ACSS3: variants seen among roughly 807,000 people sequenced by gnomAD.
ACSS3 encodes acyl-CoA synthetase short-chain family member 3, mitochondrial.
ACSS3 carries 64 observed loss-of-function variants against 84.2 expected under a neutral mutation model. The observed-to-expected ratio is 0.76, with a 90% CI of 0.62 to 0.94. The LOEUF (loss-of-function observed/expected upper bound fraction) is 0.94. Ranked by LOEUF, ACSS3 falls within the 40% of genes least tolerant of loss-of-function variation. The pLI is 0.00. For missense variants in ACSS3, 815 were observed against 867.6 expected (o/e 0.94, Z 0.76); for synonymous variants, 317 against 310.1 (o/e 1.02, Z -0.23).
At chr12:81,093,261 C>T (rs1881790150) in intron 1 of ACSS3, among the ~76,000 whole-genome samples, 1 of 151,860 alleles carries the variant, frequency 6.6e-6, no homozygotes, top group Admixed American at 6.6e-5. Flanking sequence ...ACCATACTGA[C>T]CAACATGGTG....
At chr12:81,078,525 C>T (rs1208678450) in intron 1 of ACSS3, 94 bp downstream of exon 1, 4 of 1,400,702 alleles carry the variant, frequency 2.9e-6, no homozygotes, top group Admixed American at 2.2e-5. Flanking sequence ...CATTCTATCA[C>T]GAAAGAAAAT....
chr12:81,167,932 G>A (rs1467624093), intron 7 of ACSS3, among the ~76,000 whole-genome samples: 2 of 152,212 alleles, frequency 1.3e-5, no homozygotes, highest in Admixed American at 6.5e-5. Flanking sequence ...TTGCAACTAT[G>A]TGGGACCTAC....
chr12:81,229,645 A>T (rs1017850833), intron 11 of ACSS3, among the ~76,000 whole-genome samples: 5 of 151,932 alleles, frequency 3.3e-5, no homozygotes, highest in African/African-American at 1.2e-4. Context: ...AGCAAACAGT[A>T]ATAATCACAA....
intron 5 of ACSS3, among the ~76,000 whole-genome samples, chr12:81,147,866 T>TACACACAC (rs149709961): frequency 9.4e-5 from 14 of 149,018 alleles, no homozygotes; most frequent in African/African-American, 3.2e-4. Flanking sequence ...GCTGAATTGA[T>TACACACAC]ACACACACAC....
At chr12:81,170,257 A>G (rs192572433) in intron 7 of ACSS3, among the ~76,000 whole-genome samples, 1 of 152,256 alleles carries the variant, frequency 6.6e-6, no homozygotes, top group East Asian at 1.9e-4. Context: ...GAAGACAGTA[A>G]CTGGTTTTCT....
intron 13 of ACSS3, among the ~76,000 whole-genome samples, chr12:81,247,557 C>T (rs1048474507): frequency 6.6e-6 from 1 of 152,062 alleles, no homozygotes; most frequent in African/African-American, 2.4e-5. Context: ...GGAAACCATT[C>T]AGACCTTAAA....
At chr12:81,191,102 A>T (rs1232417284) in intron 8 of ACSS3, among the ~76,000 whole-genome samples, 4 of 152,040 alleles carry the variant, frequency 2.6e-5, no homozygotes, top group Non-Finnish European at 5.9e-5. Context: ...TTATGTTTTC[A>T]TACATGCACA....
intron 8 of ACSS3, 104 bp downstream of exon 8, chr12:81,175,043 C>A: frequency 1.6e-6 from 2 of 1,249,986 alleles, no homozygotes; most frequent in South Asian, 2.3e-5. Flanking sequence ...ATAGGAAGAG[C>A]CAAAAGATTC....
chr12:81,165,197 C>G (rs78937948), intron 7 of ACSS3, among the ~76,000 whole-genome samples: 10,645 of 152,138 alleles, frequency 0.07, 493 homozygotes, highest in African/African-American at 0.13. Context: ...TTGGAGCTAG[C>G]AAGCTCAGTT....
intron 2 of ACSS3, among the ~76,000 whole-genome samples, chr12:81,110,117 A>G (rs1325454077): frequency 6.6e-6 from 1 of 152,200 alleles, no homozygotes; most frequent in African/African-American, 2.4e-5. Context: ...AAGAAACAAC[A>G]TATTTCTCTA....
chr12:81,148,897 TAAAA>T (rs397851051), intron 5 of ACSS3, among the ~76,000 whole-genome samples: 2 of 81,834 alleles, frequency 2.4e-5, no homozygotes, highest in African/African-American at 5.1e-5. Context: ...CTGCCTCTAC[TAAAA>T]AAAAAAAAAA....
At chr12:81,175,004 TA>T in intron 8 of ACSS3, 65 bp downstream of exon 8, 7 of 1,550,172 alleles carry the variant, frequency 4.5e-6, no homozygotes, top group African/African-American at 2.7e-5. Flanking sequence ...AAGTGAACAT[TA>T]TTTTTTTTCT....
At chr12:81,188,530 G>A (rs1181782522) in intron 8 of ACSS3, among the ~76,000 whole-genome samples, 1 of 151,830 alleles carries the variant, frequency 6.6e-6, no homozygotes, top group African/African-American at 2.4e-5. Flanking sequence ...TCTCTTCTTG[G>A]CTTCCCAAAA....
intron 5 of ACSS3, among the ~76,000 whole-genome samples, chr12:81,150,308 T>A (rs922627515): frequency 6.6e-6 from 1 of 152,334 alleles, no homozygotes; most frequent in Admixed American, 6.5e-5. Flanking sequence ...TCATAACACA[T>A]GGACAGCATA....
intron 9 of ACSS3, among the ~76,000 whole-genome samples, chr12:81,201,258 A>C (rs7953096): frequency 6.6e-6 from 1 of 151,972 alleles, no homozygotes; most frequent in Non-Finnish European, 1.5e-5. Flanking sequence ...CATGAACTAG[A>C]AAATGTTTTG....
At chr12:81,221,801 G>C (rs2033119365) in intron 11 of ACSS3, among the ~76,000 whole-genome samples, 1 of 152,006 alleles carries the variant, frequency 6.6e-6, no homozygotes, top group Non-Finnish European at 1.5e-5. Context: ...GTGGATGTTT[G>C]GCTTGCTTAG....
intron 7 of ACSS3, among the ~76,000 whole-genome samples, chr12:81,156,185 A>AAC (rs58156251): frequency 0.012 from 1,757 of 141,810 alleles, 16 homozygotes; most frequent in African/African-American, 0.034. Flanking sequence ...TATCCAGGAA[A>AAC]ACACACACAC....
intron 2 of ACSS3, among the ~76,000 whole-genome samples, chr12:81,122,690 T>C (rs1884734006): frequency 6.6e-6 from 1 of 152,184 alleles, no homozygotes; most frequent in Non-Finnish European, 1.5e-5. Flanking sequence ...GTGTGTACAT[T>C]AGCCACAGAA....
chr12:81,099,788 A>T (rs982317188), intron 1 of ACSS3, among the ~76,000 whole-genome samples: 6 of 152,114 alleles, frequency 3.9e-5, no homozygotes, highest in Non-Finnish European at 5.9e-5. Flanking sequence ...TAAATTAAAA[A>T]TTTTTAGCTC....
Sources: allele counts gnomAD v4.1 joint callset (sites outside exome capture counted in the v4.1 genomes callset), GRCh38; gene constraint gnomAD v4.1.1; transcripts MANE v1.5; gene names NCBI Gene and HGNC (gene_info 2026-07-23, HGNC 2026-07-21).